Variants in KAT7 observed in about 807,000 individuals in gnomAD.
The protein encoded by KAT7 is histone acetyltransferase KAT7.
KAT7 carries 10 observed loss-of-function variants against 82.1 expected under a neutral mutation model. The observed-to-expected ratio is 0.12, with a 90% CI of 0.08 to 0.21. The LOEUF (loss-of-function observed/expected upper bound fraction) is 0.21. Among genes scored for constraint, KAT7 ranks in the 10% least tolerant of loss-of-function variants. The pLI is 1.00. For synonymous variants in KAT7, 250 were observed against 262.5 expected, an observed-to-expected ratio of 0.95 and a Z score of 0.46; for missense variants, 378 against 760.9, an observed-to-expected ratio of 0.50 and a Z score of 5.92.
chr17:49,803,112 A>C (rs7221567), intron 4 of KAT7, among the ~76,000 whole-genome samples: 1 of 143,414 alleles, frequency 7.0e-6, no homozygotes, highest in East Asian at 2.0e-4. Flanking sequence ...CTAAAATTGC[A>C]TTTTTTTTTT....
At position 49,805,451 on chromosome 17, in the gene KAT7, T is replaced by G; in HGVS notation, c.663+6T>G. The G allele has an allele frequency of 8.8e-6, 14 of 1,599,580 alleles. No individual in the cohort carries two copies. The highest frequency in any genetic ancestry group is 1.2e-5 in the Non-Finnish European group (14 of 1,167,014). On this transcript the variant is annotated splice_donor_region_variant and intron_variant, in intron 5 of 14. Coordinates refer to ENST00000259021, the MANE Select transcript of KAT7 (RefSeq NM_007067.5). ...TCTCAGCTGACGAATGCAAGGTAATTGTGCTCTCATTTATTCAACACATGC... is the reference window on the plus strand; with the variant it reads ...TCTCAGCTGACGAATGCAAGGTAATGGTGCTCTCATTTATTCAACACATGC...
At chr17:49,798,657 G>GGCT in intron 4 of KAT7, 99 bp downstream of exon 4, 1 of 1,292,572 alleles carries the variant, frequency 7.7e-7, no homozygotes, top group Admixed American at 2.3e-5. Context: ...TAGCTTCTTA[G>GGCT]GCTCTTCAGT....
At chr17:49,795,048 T>C (rs2073938498) in intron 2 of KAT7, among the ~76,000 whole-genome samples, 2 of 151,572 alleles carry the variant, frequency 1.3e-5, no homozygotes, top group South Asian at 4.2e-4. Flanking sequence ...GGTGCAGCCG[T>C]GAGAGAGTGA....
chr17:49,819,438 T>G (rs2143962624), intron 9 of KAT7, among the ~76,000 whole-genome samples: 1 of 152,314 alleles, frequency 6.6e-6, no homozygotes, highest in East Asian at 1.9e-4. Flanking sequence ...TAAAATGGTT[T>G]TACTGTGTGA....
intron 4 of KAT7, among the ~76,000 whole-genome samples, chr17:49,799,556 T>C (rs1194477075): frequency 6.6e-6 from 1 of 152,208 alleles, no homozygotes; most frequent in Admixed American, 6.5e-5. Flanking sequence ...TTTGTATTTT[T>C]AGTAGAGATG....
At chr17:49,826,858 A>T in intron 14 of KAT7, 59 bp downstream of exon 14, 2 of 1,113,182 alleles carry the variant, frequency 1.8e-6, no homozygotes, top group Non-Finnish European at 2.7e-6. Context: ...TTAGCAGAGC[A>T]AAGTATGGGC....
At chr17:49,793,950 C>T (rs1457959359) in intron 2 of KAT7, among the ~76,000 whole-genome samples, 7 of 152,108 alleles carry the variant, frequency 4.6e-5, no homozygotes, top group Admixed American at 1.3e-4. Flanking sequence ...TGGGAATATC[C>T]TCTTTAACAA....
chr17:49,790,684 C>T (rs2073876107), intron 1 of KAT7, among the ~76,000 whole-genome samples: 2 of 152,134 alleles, frequency 1.3e-5, no homozygotes, highest in Non-Finnish European at 2.9e-5. Context: ...TTGTGTGTCT[C>T]ATTTAGTGTG....
chr17:49,801,575 C>T (rs1157457037), intron 4 of KAT7, among the ~76,000 whole-genome samples: 2 of 152,238 alleles, frequency 1.3e-5, no homozygotes, highest in Admixed American at 1.3e-4. Flanking sequence ...CTGCAACCTC[C>T]ACCTCCCAGG....
intron 4 of KAT7, among the ~76,000 whole-genome samples, chr17:49,800,852 A>G (rs555809818): frequency 6.6e-6 from 1 of 152,156 alleles, no homozygotes; most frequent in Non-Finnish European, 1.5e-5. Context: ...ATACATACAT[A>G]TGTGTATGTA....
At position 49,822,087 on chromosome 17, in the gene KAT7, C is replaced by T. The variant is rs929311877; in HGVS notation, c.1386+297C>T. On this transcript the variant is annotated intron_variant, in intron 11 of 14. Coordinates refer to ENST00000259021, the MANE Select transcript of KAT7 (RefSeq NM_007067.5). ...CACAAGCCCACATCTTGTAGTCAAA[C>T]CAGTTCTGCTGGCTTTGCCTGCCTC... Among the ~76,000 whole-genome samples the T allele has an allele frequency of 3.3e-5, 5 of 152,164 alleles. No homozygotes were observed. The East Asian group carries it at 7.7e-4, about 23-fold the overall frequency.
chr17:49,815,025 T>G (rs1404875661), intron 7 of KAT7: 1 of 152,204 alleles, frequency 6.6e-6, no homozygotes, highest in Admixed American at 6.5e-5. Context: ...AAGGGAAGTT[T>G]CCTTTGTAGA....
At position 49,788,831 on chromosome 17, in the gene KAT7, G is replaced by C. The variant is rs372806571; in HGVS notation, c.-4G>C. On this transcript the variant is annotated 5_prime_UTR_variant, in exon 1 of 15. Transcript: ENST00000259021. The stretch of plus-strand genomic sequence containing the variant: ...TCGGAACCGTCGGGCCGCAGCCGCC[G>C]GCAATGCCGCGAAGGAAGGTGAGAA... 1.5e-5 allele frequency: 23 copies of C among 1,585,538 alleles called. No individual in the cohort carries two copies. The South Asian group carries it at 2.4e-4, about 16-fold the overall frequency.
Position 49,798,469 on chromosome 17 carries a change from G to A in KAT7, c.491G>A (p.Ser164Asn). The change falls in exon 4 of 15, where the codon AGT becomes AAT. Residue 164 changes from serine (S) to asparagine (N), a missense_variant. Ser to Asn is a conservative substitution (Grantham distance 46). This residue lies in a region of KAT7 where 161 missense variants were observed against 229.6 expected (regional missense o/e 0.70). Coordinates refer to ENST00000259021, the MANE Select transcript of KAT7 (RefSeq NM_007067.5). ...AKDMSLKDSGSDLSHRPKRRR... is the reference protein window; with the variant it reads ...AKDMSLKDSGNDLSHRPKRRR... ...GACATGTCCCTGAAGGACTCAGGCA[G>A]TGATCTCTCTCATCGCCCCAAGCGC... 6 of 1,614,218 alleles carry A rather than the reference G, an allele frequency of 3.7e-6. No individual in the cohort carries two copies. The highest frequency in any genetic ancestry group is 5.1e-6 in the Non-Finnish European group (6 of 1,180,018).
In KAT7 at chr17:49,798,499, G is replaced by A. The variant is rs1419242267; in HGVS notation, c.521G>A (p.Arg174His). ...CTCTCTCATCGCCCCAAGCGCCGTCGCTTCCATGAAAGCTACAACTTCAAT... is the reference window on the plus strand; with the variant it reads ...CTCTCTCATCGCCCCAAGCGCCGTCACTTCCATGAAAGCTACAACTTCAAT... ...SDLSHRPKRR[R>H]FHESYNFNMK... Residue 174 changes from arginine (R) to histidine (H), a missense_variant, in exon 4 of 15, where the codon CGC becomes CAC. Physicochemically the swap from Arg to His is conservative, Grantham distance 29. Transcript: ENST00000259021. The A allele has an allele frequency of 6.2e-7, 1 of 1,614,050 alleles. No individual in the cohort carries two copies. Among genetic ancestry groups the A allele is most frequent in the Non-Finnish European group, 8.5e-7 (1 of 1,179,914 alleles).
intron 1 of KAT7, among the ~76,000 whole-genome samples, chr17:49,791,290 A>G (rs1193081088): frequency 2.0e-5 from 3 of 152,366 alleles, no homozygotes; most frequent in East Asian, 1.9e-4. Flanking sequence ...TTTTCTCACT[A>G]CAGTGGACCT....
chr17:49,820,717 AG>A (rs2074292394), intron 9 of KAT7, among the ~76,000 whole-genome samples: 4 of 145,044 alleles, frequency 2.8e-5, no homozygotes, highest in African/African-American at 7.7e-5. Flanking sequence ...AAGTGACCCT[AG>A]CTTCCTGCTG....
intron 1 of KAT7, among the ~76,000 whole-genome samples, chr17:49,790,629 T>C (rs972532889): frequency 6.6e-6 from 1 of 152,236 alleles, no homozygotes; most frequent in African/African-American, 2.4e-5. Flanking sequence ...GTAACCTGTT[T>C]GGCGGCAAAC....
rs186677299 is a variant in KAT7, at chr17:49,819,963, G to A, written c.1156-1374G>A. 7.3e-3 allele frequency among the ~76,000 whole-genome samples: 1,117 copies of A among 152,342 alleles called. 8 individuals carry two copies. Among genetic ancestry groups the A allele is most frequent in the Non-Finnish European group, 0.012 (818 of 68,028 alleles). ...TTGCAGTAAATTTGCTTAATAGAAAGTGTTTCATGGGCCAGGTGCGGTGGC... is the reference window on the plus strand; with the variant it reads ...TTGCAGTAAATTTGCTTAATAGAAAATGTTTCATGGGCCAGGTGCGGTGGC... On this transcript the variant is annotated intron_variant, in intron 9 of 14. Transcript: ENST00000259021.
Sources: allele counts gnomAD v4.1 joint callset (sites outside exome capture counted in the v4.1 genomes callset), GRCh38; gene constraint gnomAD v4.1.1; regional missense constraint gnomAD v4.1.1; transcripts MANE v1.5; gene names NCBI Gene and HGNC (gene_info 2026-07-23, HGNC 2026-07-21).